Variants in TENM3 observed in about 807,000 individuals in gnomAD.
TENM3 encodes teneurin-3.
A neutral mutation model predicts 255.1 loss-of-function variants in TENM3; 63 were observed. The ratio of observed to expected loss-of-function variants is 0.25; its 90% CI spans 0.20 to 0.30. The LOEUF is 0.30. Among genes scored for constraint, TENM3 ranks in the 10% least tolerant of loss-of-function variants. The pLI is 1.00. For missense variants in TENM3, 2,929 were observed against 3,461.1 expected (o/e 0.85, Z 3.86); for synonymous variants, 1,306 against 1,322.3 (o/e 0.99, Z 0.27).
chr4:181,675,287 T>C, the TENM3 span, among the ~76,000 whole-genome samples: 1 of 152,096 alleles, frequency 6.6e-6, no homozygotes, highest in Non-Finnish European at 1.5e-5. Context: ...AAACTGCATT[T>C]CCTTGCAGTT....
the TENM3 span, among the ~76,000 whole-genome samples, chr4:181,550,200 AT>A: frequency 1.3e-5 from 2 of 152,270 alleles, no homozygotes; most frequent in African/African-American, 2.4e-5. Context: ...TGAGAAACAG[AT>A]TTTTTTCCCC....
At chr4:181,641,622 G>C in the TENM3 span, among the ~76,000 whole-genome samples, 41 of 45,956 alleles carry the variant, frequency 8.9e-4, no homozygotes, top group East Asian at 0.02. Flanking sequence ...TATATATATG[G>C]TGTGTGTATA....
intron 3 of TENM3, among the ~76,000 whole-genome samples, chr4:182,380,448 T>A (rs1402588929): frequency 6.6e-6 from 1 of 152,208 alleles, no homozygotes; most frequent in Admixed American, 6.5e-5. Context: ...CCTGTTTAAC[T>A]TCCAGCAGCT....
At chr4:182,598,746 A>ATGAG (rs1173411055) in intron 3 of TENM3, among the ~76,000 whole-genome samples, 1 of 152,206 alleles carries the variant, frequency 6.6e-6, no homozygotes, top group Non-Finnish European at 1.5e-5. Flanking sequence ...GAATAAATGA[A>ATGAG]TGAGTGGGTG....
the TENM3 span, among the ~76,000 whole-genome samples, chr4:181,978,820 A>T: frequency 6.6e-6 from 1 of 151,420 alleles, no homozygotes; most frequent in East Asian, 2.0e-4. Context: ...CGTATGAAAT[A>T]AAGGGCCAGA....
chr4:182,283,728 C>T (rs1367580604), intron 1 of TENM3, among the ~76,000 whole-genome samples: 2 of 152,116 alleles, frequency 1.3e-5, no homozygotes, highest in Admixed American at 6.6e-5. Context: ...GTGAAATACT[C>T]TCTGAGATTT....
chr4:181,624,206 G>A, the TENM3 span, among the ~76,000 whole-genome samples: 1 of 152,160 alleles, frequency 6.6e-6, no homozygotes, highest in African/African-American at 2.4e-5. Context: ...CAGGTCAGCT[G>A]GAGGCTCTGT....
chr4:182,297,271 G>T (rs1025325960), intron 1 of TENM3, among the ~76,000 whole-genome samples: 17 of 152,118 alleles, frequency 1.1e-4, no homozygotes, highest in African/African-American at 4.1e-4. Flanking sequence ...TCACTATGCA[G>T]GTGACACTGT....
At chr4:182,657,226 C>T (rs762548669) in intron 6 of TENM3, among the ~76,000 whole-genome samples, 1 of 152,138 alleles carries the variant, frequency 6.6e-6, no homozygotes, top group Non-Finnish European at 1.5e-5. Context: ...GTACCTATCT[C>T]CTGACTTTCC....
At chr4:181,774,165 C>G in the TENM3 span, among the ~76,000 whole-genome samples, 2 of 83,992 alleles carry the variant, frequency 2.4e-5, no homozygotes, top group African/African-American at 1.1e-4. Flanking sequence ...ATCCCTCCCC[C>G]CTCCCCCGAC....
chr4:182,643,345 T>G (rs1752477332), intron 5 of TENM3, among the ~76,000 whole-genome samples: 1 of 152,210 alleles, frequency 6.6e-6, no homozygotes, highest in Non-Finnish European at 1.5e-5. Flanking sequence ...TTTGACTCTA[T>G]GCAATGTAGT....
chr4:181,604,227 A>T, the TENM3 span, among the ~76,000 whole-genome samples: 2,404 of 152,178 alleles, frequency 0.016, 39 homozygotes, highest in South Asian at 0.07. Flanking sequence ...ATCGCGCCAC[A>T]GCACTCCAGC....
intron 19 of TENM3, among the ~76,000 whole-genome samples, chr4:182,749,848 G>T (rs1762252444): frequency 6.6e-6 from 1 of 152,126 alleles, no homozygotes; most frequent in Non-Finnish European, 1.5e-5. Flanking sequence ...TAATCAGGGA[G>T]GTAGGAAAGA....
At chr4:182,022,444 A>G in the TENM3 span, among the ~76,000 whole-genome samples, 1 of 151,988 alleles carries the variant, frequency 6.6e-6, no homozygotes, top group East Asian at 1.9e-4. Context: ...TATGTTCACC[A>G]CTGAGGTGAT....
intron 3 of TENM3, among the ~76,000 whole-genome samples, chr4:182,463,665 C>T (rs1164448741): frequency 1.3e-5 from 2 of 151,680 alleles, no homozygotes; most frequent in African/African-American, 4.8e-5. Context: ...CTCTTGCTGC[C>T]CAGGCTGGAG....
chr4:181,754,206 A>G, the TENM3 span, among the ~76,000 whole-genome samples: 74 of 152,170 alleles, frequency 4.9e-4, no homozygotes, highest in African/African-American at 1.7e-3. Flanking sequence ...TTAACAAAAT[A>G]AAAGAAAGAA....
At chr4:182,379,774 C>G (rs1767441677) in intron 3 of TENM3, among the ~76,000 whole-genome samples, 1 of 152,218 alleles carries the variant, frequency 6.6e-6, no homozygotes, top group Non-Finnish European at 1.5e-5. Flanking sequence ...GTCCACCGCT[C>G]ACTAGCTCTG....
intron 12 of TENM3, chr4:182,707,821 G>A (rs189560867): frequency 3.3e-5 from 5 of 152,094 alleles, no homozygotes; most frequent in Non-Finnish European, 5.9e-5. Flanking sequence ...TTAAGGCCAA[G>A]AATTAGCCTT....
At chr4:182,139,735 C>T (rs1749263462), upstream of TENM3, among the ~76,000 whole-genome samples, 1 of 152,190 alleles carries the variant, frequency 6.6e-6, no homozygotes, top group East Asian at 1.9e-4. Context: ...CTTCGCAAAA[C>T]CTGGGGTCTT....
Sources: allele counts gnomAD v4.1 joint callset (sites outside exome capture counted in the v4.1 genomes callset), GRCh38; gene constraint gnomAD v4.1.1; transcripts MANE v1.5; gene names NCBI Gene and HGNC (gene_info 2026-07-23, HGNC 2026-07-21).